Variants in RANBP9 observed in about 807,000 individuals in gnomAD.
The protein encoded by RANBP9 is RAN binding protein 9, also known as ran-binding protein 9.
In RANBP9, 15 loss-of-function variants were observed where a neutral mutation model predicts 84.3. The observed-to-expected ratio is 0.18, with a 90% CI of 0.12 to 0.27. The LOEUF (loss-of-function observed/expected upper bound fraction) is 0.27, where lower values mean the gene tolerates loss of function less well. Ranked by LOEUF, RANBP9 falls within the 10% of genes least tolerant of loss-of-function variation. The pLI, the probability that RANBP9 is intolerant of heterozygous loss-of-function variation, is 1.00. For missense variants in RANBP9, 809 were observed against 912.8 expected (o/e 0.89, Z 1.46); for synonymous variants, 392 against 349.6 (o/e 1.12, Z -1.35).
intron 2 of RANBP9, among the ~76,000 whole-genome samples, chr6:13,675,666 C>G (rs990308413): frequency 6.6e-6 from 1 of 150,476 alleles, no homozygotes; most frequent in African/African-American, 2.4e-5. Context: ...AAATAAAAAT[C>G]AACAAAATTA....
intron 9 of RANBP9, 104 bp downstream of exon 9, chr6:13,639,459 T>C: frequency 7.9e-7 from 1 of 1,265,552 alleles, no homozygotes; most frequent in Non-Finnish European, 1.1e-6. Flanking sequence ...ATTACAAGCG[T>C]GAGCCACCGT....
chr6:13,687,217 C>T (rs1301208917), intron 2 of RANBP9, among the ~76,000 whole-genome samples: 1 of 152,172 alleles, frequency 6.6e-6, no homozygotes, highest in Non-Finnish European at 1.5e-5. Context: ...CAAAATCTAC[C>T]TTCAGCCCTA....
chr6:13,642,283 T>C (rs974558197), intron 7 of RANBP9, among the ~76,000 whole-genome samples, 196 bp downstream of exon 7: 1 of 152,148 alleles, frequency 6.6e-6, no homozygotes, highest in South Asian at 2.1e-4. Context: ...TCTCTAGAAT[T>C]AGAATTCTGA....
chr6:13,667,866 A>G (rs1210799841), intron 2 of RANBP9, among the ~76,000 whole-genome samples: 2 of 152,174 alleles, frequency 1.3e-5, no homozygotes, highest in Non-Finnish European at 2.9e-5. Context: ...ATTCTTACGC[A>G]ACACATTTTT....
intron 13 of RANBP9, among the ~76,000 whole-genome samples, chr6:13,623,854 AAG>A (rs1478670815): frequency 6.6e-6 from 1 of 152,208 alleles, no homozygotes; most frequent in Non-Finnish European, 1.5e-5. Context: ...CACAATATGT[AAG>A]AGTATATGTG....
At chr6:13,706,059 A>T (rs986004764) in intron 1 of RANBP9, among the ~76,000 whole-genome samples, 5 of 151,792 alleles carry the variant, frequency 3.3e-5, no homozygotes, top group African/African-American at 4.8e-5. Context: ...CAGAGTAAGT[A>T]TAACAAAAGT....
At chr6:13,681,108 T>C (rs1393134875) in intron 2 of RANBP9, among the ~76,000 whole-genome samples, 2 of 152,206 alleles carry the variant, frequency 1.3e-5, no homozygotes, top group Non-Finnish European at 1.5e-5. Flanking sequence ...AATGACCTAC[T>C]GATACACTCA....
At chr6:13,668,038 T>C (rs562888364) in intron 2 of RANBP9, among the ~76,000 whole-genome samples, 99 of 150,898 alleles carry the variant, frequency 6.6e-4, no homozygotes, top group African/African-American at 2.3e-3. Flanking sequence ...AACAATAGAA[T>C]CAACAAATTC....
At position 13,711,323 on chromosome 6, in the gene RANBP9, C is replaced by T. The variant is rs1758276186; in HGVS notation, c.183G>A (p.Gly61=). 1.2e-5 allele frequency: 13 copies of T among 1,094,990 alleles called. No individual in the cohort carries two copies. The South Asian group carries it at 1.7e-4, about 15-fold the overall frequency. The allele number at this position is 1,094,990 out of a possible 1,614,324, so 67.8% of individuals were successfully genotyped here. The change falls in exon 1 of 14, where the codon GGG becomes GGA. Residue 61 remains glycine, a synonymous_variant. Coordinates refer to ENST00000011619, the MANE Select transcript of RANBP9 (RefSeq NM_005493.3). ...PGGGAGGEGL[G]AAAAALLLHP... ...GGAGGAGCAGGGCGGCCGCCGCGGC[C>T]CCTAAGCCTTCGCCGCCCGCACCGC...
At chr6:13,679,494 T>G (rs1765979274) in intron 2 of RANBP9, among the ~76,000 whole-genome samples, 1 of 152,192 alleles carries the variant, frequency 6.6e-6, no homozygotes, top group Non-Finnish European at 1.5e-5. Flanking sequence ...AATAACTTGT[T>G]AAACTGTTAA....
chr6:13,688,567 C>G (rs1401526650), intron 2 of RANBP9, among the ~76,000 whole-genome samples: 1 of 152,172 alleles, frequency 6.6e-6, no homozygotes, highest in Non-Finnish European at 1.5e-5. Flanking sequence ...CCTTTCTCAG[C>G]CATGTTTACA....
At chr6:13,705,678 G>A (rs978618181) in intron 1 of RANBP9, among the ~76,000 whole-genome samples, 56 of 150,648 alleles carry the variant, frequency 3.7e-4, no homozygotes, top group African/African-American at 1.3e-3. Flanking sequence ...TGACTAACTC[G>A]GTGAAACCCC....
intron 2 of RANBP9, among the ~76,000 whole-genome samples, chr6:13,670,773 C>T (rs982218880): frequency 6.9e-6 from 1 of 144,872 alleles, no homozygotes; most frequent in Non-Finnish European, 1.5e-5. Flanking sequence ...GCACTCCAGC[C>T]TGGGAGACAG....
At position 13,686,100 on chromosome 6, in the gene RANBP9, TCCCCCCC is replaced by T. The variant is rs869051500; in HGVS notation, c.683+10678_683+10684del. Among the ~76,000 whole-genome samples, 49 of 7,006 alleles carry T rather than the reference TCCCCCCC, an allele frequency of 7.0e-3. 4 individuals are homozygous for T. In the East Asian group the frequency reaches 0.13, roughly 19 times the overall value. The allele number at this position is 7,006 out of a possible 152,430, so 4.6% of individuals were successfully genotyped here. A position where few individuals can be genotyped will look rare whatever the true frequency, so the allele number is the denominator to read the frequency against. ...TCTTTCCTGAATTTCCAAAATTTCT[TCCCCCCC>T]CCCCCCCCGCCCCCCGAAATAGAGT... On this transcript the variant is annotated intron_variant, in intron 2 of 13. Transcript: ENST00000011619.
intron 2 of RANBP9, among the ~76,000 whole-genome samples, chr6:13,687,139 G>C (rs189782476): frequency 6.6e-6 from 1 of 151,920 alleles, no homozygotes; most frequent in East Asian, 1.9e-4. Context: ...CTTTGTTTTT[G>C]TTACATTACA....
intron 5 of RANBP9, among the ~76,000 whole-genome samples, chr6:13,645,305 A>G (rs530611944): frequency 5.9e-5 from 9 of 152,184 alleles, no homozygotes; most frequent in South Asian, 2.1e-4. Flanking sequence ...GAGATTCTCT[A>G]TATTAAAAAA....
intron 2 of RANBP9, among the ~76,000 whole-genome samples, chr6:13,669,245 T>C (rs898607436): frequency 6.6e-6 from 1 of 151,972 alleles, no homozygotes; most frequent in Non-Finnish European, 1.5e-5. Context: ...ATGGAAAGAC[T>C]CCCCATGCCA....
At chr6:13,624,635 A>C (rs1764549046) in intron 13 of RANBP9, among the ~76,000 whole-genome samples, 2 of 152,270 alleles carry the variant, frequency 1.3e-5, no homozygotes, top group South Asian at 4.1e-4. Context: ...TCATATAAAA[A>C]GTACTTGTTC....
At chr6:13,656,940 G>A (rs1161118228) in intron 4 of RANBP9, among the ~76,000 whole-genome samples, 169 bp downstream of exon 4, 1 of 152,018 alleles carries the variant, frequency 6.6e-6, no homozygotes, top group Non-Finnish European at 1.5e-5. Flanking sequence ...TAAATAGGGT[G>A]AATATAAATA....
Sources: allele counts gnomAD v4.1 joint callset (sites outside exome capture counted in the v4.1 genomes callset), GRCh38; gene constraint gnomAD v4.1.1; transcripts MANE v1.5; gene names NCBI Gene and HGNC (gene_info 2026-07-23, HGNC 2026-07-21).